Variants in MDGA2 observed in about 807,000 individuals in gnomAD.
MDGA2 encodes the protein MAM domain containing glycosylphosphatidylinositol anchor 2, also known as MAM domain-containing glycosylphosphatidylinositol anchor protein 2.
In MDGA2, 40 loss-of-function variants were observed where a neutral mutation model predicts 117.8. That is an observed-to-expected ratio of 0.34 (90% CI 0.26 to 0.44). The LOEUF (loss-of-function observed/expected upper bound fraction) is 0.44, where lower values mean the gene tolerates loss of function less well. Among genes scored for constraint, MDGA2 ranks in the 20% least tolerant of loss-of-function variants. MDGA2 has a pLI of 1.00. For synonymous variants in MDGA2, 452 were observed against 439.0 expected, an observed-to-expected ratio of 1.03 and a Z score of -0.37; for missense variants, 1,123 against 1,250.6, an observed-to-expected ratio of 0.90 and a Z score of 1.54.
chr14:47,510,764 T>C (rs1223887088), intron 1 of MDGA2, among the ~76,000 whole-genome samples: 1 of 152,196 alleles, frequency 6.6e-6, no homozygotes, highest in African/African-American at 2.4e-5. Context: ...CTGGCTCCTG[T>C]CTCTCTGATC....
intron 1 of MDGA2, among the ~76,000 whole-genome samples, chr14:47,541,260 G>A (rs1464948038): frequency 1.3e-5 from 2 of 152,192 alleles, no homozygotes; most frequent in Non-Finnish European, 2.9e-5. Context: ...TGAGCACTTT[G>A]GGGTATAATC....
At chr14:47,490,090 CAGT>C (rs1366866715) in intron 1 of MDGA2, among the ~76,000 whole-genome samples, 1 of 152,024 alleles carries the variant, frequency 6.6e-6, no homozygotes, top group African/African-American at 2.4e-5. Flanking sequence ...AGTGTGTCAG[CAGT>C]AGAATAAAAT....
At chr14:47,159,216 G>C (rs1381855194) in intron 3 of MDGA2, among the ~76,000 whole-genome samples, 1 of 152,086 alleles carries the variant, frequency 6.6e-6, no homozygotes, top group Non-Finnish European at 1.5e-5. Context: ...TGTCAATGCA[G>C]GTTCATCAAT....
intron 3 of MDGA2, among the ~76,000 whole-genome samples, chr14:47,175,869 T>C (rs1205275563): frequency 2.0e-5 from 3 of 152,060 alleles, no homozygotes; most frequent in Admixed American, 1.3e-4. Flanking sequence ...TGTCCCTGTT[T>C]GCAGACGACA....
intron 2 of MDGA2, among the ~76,000 whole-genome samples, chr14:47,295,793 A>C (rs1431670351): frequency 6.6e-6 from 1 of 151,992 alleles, no homozygotes; most frequent in African/African-American, 2.4e-5. Context: ...AATCCCAGCT[A>C]CTCAGTAGAC....
chr14:47,490,987 C>T (rs1457278081), intron 1 of MDGA2, among the ~76,000 whole-genome samples: 1 of 152,016 alleles, frequency 6.6e-6, no homozygotes, highest in East Asian at 1.9e-4. Context: ...TCTTTTTTGT[C>T]TGTTGAAGAA....
At chr14:47,600,723 T>TAAAAAAAAAA (rs377627666) in intron 1 of MDGA2, among the ~76,000 whole-genome samples, 4,988 of 139,228 alleles carry the variant, frequency 0.036, 298 homozygotes, top group African/African-American at 0.13. Context: ...ATCGGATCAT[T>TAAAAAAAAAA]AAAAAAAAAA....
At position 47,270,334 on chromosome 14, in the gene MDGA2, C is replaced by T. The variant is rs142447073; in HGVS notation, c.420+31077G>A. On this transcript the variant is annotated intron_variant, in intron 2 of 16. Transcript: ENST00000399232. ...TTGTGTCTAATAGAACAGGATCAAGCGGTTCCATAAACTAGAGACTGCCAG... is the reference window on the plus strand; with the variant it reads ...TTGTGTCTAATAGAACAGGATCAAGTGGTTCCATAAACTAGAGACTGCCAG... Among the ~76,000 whole-genome samples, 1,425 of 152,126 alleles carry T rather than the reference C, an allele frequency of 9.4e-3. 13 individuals are homozygous for T. Among genetic ancestry groups the T allele is most frequent in the Admixed American group, 0.033 (501 of 15,260 alleles).
chr14:47,123,410 C>T (rs1452277072), intron 5 of MDGA2, among the ~76,000 whole-genome samples: 1 of 151,970 alleles, frequency 6.6e-6, no homozygotes, highest in Non-Finnish European at 1.5e-5. Context: ...ACCATTGCTT[C>T]TGTTCAAGAT....
intron 1 of MDGA2, among the ~76,000 whole-genome samples, chr14:47,320,295 T>A (rs1473618431): frequency 6.6e-5 from 10 of 152,020 alleles, no homozygotes; most frequent in Non-Finnish European, 8.8e-5. Context: ...GGCAGGAGGA[T>A]CGATTGAGCC....
chr14:47,309,167 A>G (rs1231446178), intron 1 of MDGA2, among the ~76,000 whole-genome samples: 1 of 152,184 alleles, frequency 6.6e-6, no homozygotes, highest in East Asian at 1.9e-4. Context: ...GTAATCCCAA[A>G]TAGAAAAATA....
intron 3 of MDGA2, among the ~76,000 whole-genome samples, chr14:47,208,490 GC>G (rs1393753778): frequency 6.7e-6 from 1 of 150,184 alleles, no homozygotes; most frequent in African/African-American, 2.4e-5. Flanking sequence ...CATTTTATTA[GC>G]TCACTTTACT....
intron 1 of MDGA2, among the ~76,000 whole-genome samples, chr14:47,614,292 G>T (rs1326929077): frequency 6.6e-6 from 1 of 151,910 alleles, no homozygotes; most frequent in East Asian, 1.9e-4. Context: ...GTTTCACCAT[G>T]TTACTCAGGC....
In MDGA2 at chr14:46,952,213, T is replaced by C. The variant is rs139941496; in HGVS notation, c.2089+5161A>G. 3.9e-3 allele frequency among the ~76,000 whole-genome samples: 589 copies of C among 150,952 alleles called. 8 individuals carry two copies. Among genetic ancestry groups the C allele is most frequent in the African/African-American group, 0.014 (577 of 40,984 alleles). ...ATTAATTGACGGTGAAGCAATACAA[T>C]AAAGTTATTTTCAATGAAATCCAAG... On this transcript the variant is annotated intron_variant, in intron 9 of 16. Transcript: ENST00000399232.
intron 1 of MDGA2, among the ~76,000 whole-genome samples, chr14:47,622,607 G>A (rs1897069654): frequency 1.3e-5 from 2 of 149,776 alleles, no homozygotes; most frequent in South Asian, 2.1e-4. Flanking sequence ...TCAATTAAAG[G>A]TGGTGGGGGA....
At chr14:47,576,700 G>T (rs1566523698) in intron 1 of MDGA2, among the ~76,000 whole-genome samples, 1 of 152,240 alleles carries the variant, frequency 6.6e-6, no homozygotes, top group African/African-American at 2.4e-5. Context: ...TCATTTAACT[G>T]ATAACTTCTT....
chr14:47,470,125 T>TA (rs968885573), intron 1 of MDGA2, among the ~76,000 whole-genome samples: 3 of 151,862 alleles, frequency 2.0e-5, no homozygotes, highest in Non-Finnish European at 2.9e-5. Context: ...TTTTTATTTT[T>TA]TTTTTGATGC....
intron 1 of MDGA2, among the ~76,000 whole-genome samples, chr14:47,607,974 T>C (rs1896771872): frequency 6.6e-6 from 1 of 152,084 alleles, no homozygotes; most frequent in Non-Finnish European, 1.5e-5. Context: ...TAAACTTACA[T>C]TTATTGTTTT....
rs551776542 is a variant in MDGA2, at chr14:46,988,052, T to C, written c.1820-30409A>G. On this transcript the variant is annotated intron_variant, in intron 8 of 16. Coordinates refer to ENST00000399232, the MANE Select transcript of MDGA2 (RefSeq NM_001113498.3). The stretch of plus-strand genomic sequence containing the variant: ...ATGAGTAATATAATATTGAAATTAA[T>C]ATTATTAAAGTAAAATAGTAGTAAA... Among the ~76,000 whole-genome samples the C allele has an allele frequency of 1.3e-4, 20 of 151,998 alleles. No homozygotes were observed. In the South Asian group the frequency reaches 4.2e-3, roughly 32 times the overall value.
Sources: allele counts gnomAD v4.1 joint callset (sites outside exome capture counted in the v4.1 genomes callset), GRCh38; gene constraint gnomAD v4.1.1; transcripts MANE v1.5; gene names NCBI Gene and HGNC (gene_info 2026-07-23, HGNC 2026-07-21).